The following VWA3A variants were observed in gnomAD, a reference collection of about 807,000 sequenced individuals.
The protein encoded by VWA3A is von Willebrand factor A domain containing 3A, also known as von Willebrand factor A domain-containing protein 3A.
Under a neutral mutation model 160.4 loss-of-function variants are expected in VWA3A, and 134 were observed. The ratio of observed to expected loss-of-function variants is 0.84; its 90% CI spans 0.73 to 0.96. The LOEUF (loss-of-function observed/expected upper bound fraction) is 0.96, where lower values mean the gene tolerates loss of function less well. Ranked by LOEUF, VWA3A falls within the 40% of genes least tolerant of loss-of-function variation. The pLI is 0.00. For synonymous variants in VWA3A, 476 were observed against 543.4 expected (o/e 0.88, Z 1.72); for missense variants, 1,310 against 1,447.9 (o/e 0.90, Z 1.55).
At chr16:22,152,290 G>C (rs553430620) in intron 30 of VWA3A, among the ~76,000 whole-genome samples, 1 of 152,100 alleles carries the variant, frequency 6.6e-6, no homozygotes, top group Non-Finnish European at 1.5e-5. Context: ...ACACTCACAC[G>C]GGGACTCCTC....
chr16:22,120,153 G>C (rs2045708327), intron 12 of VWA3A, among the ~76,000 whole-genome samples: 1 of 152,146 alleles, frequency 6.6e-6, no homozygotes, highest in African/African-American at 2.4e-5. Flanking sequence ...GGAAACCAAA[G>C]TTAAGAGGTT....
intron 8 of VWA3A, among the ~76,000 whole-genome samples, chr16:22,112,550 C>T (rs2045568178): frequency 6.6e-6 from 1 of 152,066 alleles, no homozygotes; most frequent in African/African-American, 2.4e-5. Flanking sequence ...GAGACCCCAT[C>T]TCTACAAAAA....
chr16:22,122,439 T>A (rs976099758), intron 14 of VWA3A, among the ~76,000 whole-genome samples: 2 of 147,202 alleles, frequency 1.4e-5, no homozygotes, highest in African/African-American at 5.0e-5. Flanking sequence ...AAGTAGAAAT[T>A]AAAGTAAGGA....
rs567189568 is a variant in VWA3A at position 22,150,165 on chromosome 16, G to A, written c.3129+234G>A. Reference sequence around the variant, plus strand: ...ACCTGTAATCCCAGCACTTTGGGAGGGCAAGGCAGGTGGATCACCTGAGGT... The same window carrying A: ...ACCTGTAATCCCAGCACTTTGGGAGAGCAAGGCAGGTGGATCACCTGAGGT... On this transcript the variant is annotated intron_variant, in intron 29 of 33. Coordinates refer to ENST00000389398, the MANE Select transcript of VWA3A (RefSeq NM_173615.5). 2.0e-5 allele frequency among the ~76,000 whole-genome samples: 3 copies of A among 152,254 alleles called. No homozygotes were observed. The East Asian group carries it at 5.8e-4, about 29-fold the overall frequency.
intron 21 of VWA3A, among the ~76,000 whole-genome samples, chr16:22,135,574 C>T (rs569580098): frequency 6.6e-6 from 1 of 152,160 alleles, no homozygotes; most frequent in Admixed American, 6.5e-5. Context: ...CCACTGAGAC[C>T]CAAGGCTTCA....
chr16:22,096,963 A>ATTTTTTTTTTTT lies in VWA3A; in HGVS notation c.101+27_101+38dup. The ATTTTTTTTTTTT allele has an allele frequency of 3.7e-6, 4 of 1,079,060 alleles. No homozygotes were observed. The highest frequency in any genetic ancestry group is 5.1e-6 in the Non-Finnish European group (4 of 783,746). The allele number at this position is 1,079,060 out of a possible 1,614,324, so 66.8% of individuals were successfully genotyped here. On this transcript the variant is annotated intron_variant, in intron 2 of 33. Transcript: ENST00000389398. Reference sequence around the variant, plus strand: ...AACCATTGGTAAGCATAGTTCTCTGATTTTTTTTTTTTTTTTTTTTGAGGC... The same window carrying ATTTTTTTTTTTT: ...AACCATTGGTAAGCATAGTTCTCTGATTTTTTTTTTTTTTTTTTTTTTTTTTTTTTTTGAGGC...
rs1394677992 is a variant in VWA3A at position 22,115,548 on chromosome 16, T to C, written c.815+76T>C. The C allele has an allele frequency of 3.4e-6, 5 of 1,478,050 alleles. No individual in the cohort carries two copies. The Admixed American group carries it at 1.2e-4, about 35-fold the overall frequency. 91.6% of individuals were successfully genotyped at this position (1,478,050 alleles called of 1,614,324 possible). A position where few individuals can be genotyped will look rare whatever the true frequency, so the allele number is the denominator to read the frequency against. On this transcript the variant is annotated intron_variant, in intron 9 of 33. Transcript: ENST00000389398. ...AACCAAACCACTTTTTGAGAAAAGA[T>C]TGGCTTGTCACAGTGGCTCATGCCT... is the stretch of plus-strand genomic sequence containing the variant.
At chr16:22,141,912 T>C (rs2046158020) in intron 24 of VWA3A, among the ~76,000 whole-genome samples, 1 of 152,208 alleles carries the variant, frequency 6.6e-6, no homozygotes, top group Non-Finnish European at 1.5e-5. Flanking sequence ...ATATTGAAGA[T>C]GAGACCTCCT....
At chr16:22,148,054 C>T in intron 27 of VWA3A, 108 bp from the exon 28 acceptor site, 1 of 1,350,456 alleles carries the variant, frequency 7.4e-7, no homozygotes, top group Non-Finnish European at 9.8e-7. Flanking sequence ...ATCAGGCAGG[C>T]AACAGGTGTC....
At chr16:22,094,943 G>A (rs1473384768) in intron 1 of VWA3A, among the ~76,000 whole-genome samples, 1 of 150,758 alleles carries the variant, frequency 6.6e-6, no homozygotes, top group Non-Finnish European at 1.5e-5. Context: ...CTCCAGCCTG[G>A]GTGACAAGAG....
chr16:22,095,913 A>C (rs1445909502), intron 1 of VWA3A, among the ~76,000 whole-genome samples: 1 of 151,934 alleles, frequency 6.6e-6, no homozygotes, highest in Non-Finnish European at 1.5e-5. Flanking sequence ...ACTTTCCACA[A>C]TTTGTAATTA....
chr16:22,129,536 CT>C (rs1310902063), intron 17 of VWA3A, among the ~76,000 whole-genome samples: 5 of 152,024 alleles, frequency 3.3e-5, no homozygotes, highest in African/African-American at 1.2e-4. Flanking sequence ...GAACAGATCT[CT>C]GAAGGGAAAG....
chr16:22,141,997 G>A (rs1297961772), intron 24 of VWA3A, among the ~76,000 whole-genome samples: 2 of 152,204 alleles, frequency 1.3e-5, no homozygotes, highest in Non-Finnish European at 2.9e-5. Context: ...AAGGGATGGA[G>A]ATGATTCCCC....
intron 17 of VWA3A, among the ~76,000 whole-genome samples, chr16:22,130,831 T>G (rs1235952581): frequency 6.6e-6 from 1 of 151,874 alleles, no homozygotes; most frequent in Non-Finnish European, 1.5e-5. Context: ...GTATATTTTT[T>G]TTCTTTGCCA....
chr16:22,121,606 A>G lies in VWA3A; in HGVS notation c.1345A>G (p.Thr449Ala). 6.2e-7 allele frequency: 1 copy of G among 1,611,654 alleles called. No individual in the cohort carries two copies. Among genetic ancestry groups the G allele is most frequent in the Non-Finnish European group, 8.5e-7 (1 of 1,177,942 alleles). ...VPILQKTVSS[T>A]IHEKAMIQFE... The stretch of plus-strand genomic sequence containing the variant: ...TATTCTCCAGAAAACAGTATCATCG[A>G]CCATCCATGAGGTAATTCAGATTCA... The change falls in exon 14 of 34, where the codon ACC becomes GCC. Residue 449 changes from threonine to alanine, a missense_variant. Physicochemically the swap from Thr to Ala is moderately conservative, Grantham distance 58. Transcript: ENST00000389398.
chr16:22,123,295 C>A (rs1567207865), intron 15 of VWA3A, 130 bp downstream of exon 15: 1 of 1,103,316 alleles, frequency 9.1e-7, no homozygotes, highest in Non-Finnish European at 1.3e-6. Flanking sequence ...GTGTGCTCCA[C>A]CTACAGGCCT....
intron 11 of VWA3A, among the ~76,000 whole-genome samples, chr16:22,118,658 C>T (rs1035627296): frequency 1.3e-5 from 2 of 152,208 alleles, no homozygotes; most frequent in African/African-American, 4.8e-5. Context: ...TGCACTCCAG[C>T]CTGGGTGACA....
chr16:22,097,497 A>G, intron 2 of VWA3A, 75 bp from the exon 3 acceptor site: 6 of 1,525,708 alleles, frequency 3.9e-6, no homozygotes, highest in Non-Finnish European at 5.3e-6. Context: ...GACTAGGGCA[A>G]AGAGAGGAGG....
intron 28 of VWA3A, 110 bp downstream of exon 28, chr16:22,148,416 TC>T (rs2046294352): frequency 7.2e-7 from 1 of 1,397,130 alleles, no homozygotes; most frequent in Non-Finnish European, 9.5e-7. Context: ...TCTGAGATGC[TC>T]TTCTGAGTAA....
Sources: allele counts gnomAD v4.1 joint callset (sites outside exome capture counted in the v4.1 genomes callset), GRCh38; gene constraint gnomAD v4.1.1; transcripts MANE v1.5; gene names NCBI Gene and HGNC (gene_info 2026-07-23, HGNC 2026-07-21).